Variants in SPECC1 observed in about 807,000 individuals in gnomAD.
SPECC1 encodes the protein cytospin-B.
Under a neutral mutation model 104.1 loss-of-function variants are expected in SPECC1, and 62 were observed. The ratio of observed to expected loss-of-function variants is 0.60; its 90% confidence interval spans 0.49 to 0.74. The LOEUF (loss-of-function observed/expected upper bound fraction) is 0.74, where lower values mean the gene tolerates loss of function less well. Ranked by LOEUF, SPECC1 falls within the 30% of genes least tolerant of loss-of-function variation. The probability of loss-of-function intolerance (pLI) is 0.00; values close to 1 mark genes in which losing one functional copy is unlikely to be tolerated. For synonymous variants in SPECC1, 513 were observed against 501.6 expected, an observed-to-expected ratio of 1.02 and a Z score of -0.30; for missense variants, 1,306 against 1,310.5, an observed-to-expected ratio of 1.00 and a Z score of 0.05.
chr17:20,294,875 C>T (rs1221050629), intron 12 of SPECC1, among the ~76,000 whole-genome samples: 1 of 152,134 alleles, frequency 6.6e-6, no homozygotes, highest in Non-Finnish European at 1.5e-5. Flanking sequence ...GCACTGAAGG[C>T]TTTTCCTCAA....
At chr17:20,142,015 CTTGA>C (rs975379964) in intron 3 of SPECC1, among the ~76,000 whole-genome samples, 9 of 152,130 alleles carry the variant, frequency 5.9e-5, no homozygotes, top group Admixed American at 3.3e-4. Context: ...ATATGGAAAA[CTTGA>C]ATAGTGTCAT....
At chr17:20,236,925 T>C (rs780900551) in intron 7 of SPECC1, 13 of 1,613,316 alleles carry the variant, frequency 8.1e-6, no homozygotes, top group Middle Eastern at 1.6e-4. Context: ...CTTGCCATGA[T>C]TGGGAGCCGC....
At chr17:20,194,502 ATTTTTTTTTTT>A (rs1209589252) in intron 3 of SPECC1, among the ~76,000 whole-genome samples, 1 of 86,566 alleles carries the variant, frequency 1.2e-5, no homozygotes, top group Non-Finnish European at 2.1e-5. Flanking sequence ...AAGAGAACGA[ATTTTTTTTTTT>A]TTTTTTTTTT....
intron 10 of SPECC1, among the ~76,000 whole-genome samples, chr17:20,256,831 G>A (rs189712889): frequency 2.0e-4 from 30 of 152,242 alleles, no homozygotes; most frequent in Admixed American, 1.7e-3. Flanking sequence ...TGGGCAACAC[G>A]GCAAGACCCT....
rs34220423 is a variant in SPECC1 at position 20,222,016 on chromosome 17, GT to G, written c.1864-5380del. Among the ~76,000 whole-genome samples the G allele has an allele frequency of 7.3e-3, 1,019 of 140,474 alleles. 9 individuals are homozygous for G. Among genetic ancestry groups the G allele is most frequent in the African/African-American group, 0.024 (909 of 38,182 alleles). 92.2% of individuals were successfully genotyped at this position (140,474 alleles called of 152,430 possible). ...AGAGAAGATACCTGATATGATTTCAGTTTTTTTTTTTTTTTTTAAGTTTTAG... is the reference window on the plus strand; with the variant it reads ...AGAGAAGATACCTGATATGATTTCAGTTTTTTTTTTTTTTTTAAGTTTTAG... On this transcript the variant is annotated intron_variant, in intron 4 of 14. Coordinates refer to ENST00000395527, the MANE Select transcript of SPECC1 (RefSeq NM_001243439.2).
chr17:20,298,948 A>AGAGTGT, intron 13 of SPECC1, among the ~76,000 whole-genome samples: 4 of 49,076 alleles, frequency 8.2e-5, no homozygotes, highest in African/African-American at 2.8e-4. Context: ...AGAGAGAGAG[A>AGAGTGT]GTGTGTGTGT....
chr17:20,213,566 C>T (rs1042909252), intron 4 of SPECC1, among the ~76,000 whole-genome samples: 1 of 152,144 alleles, frequency 6.6e-6, no homozygotes, highest in East Asian at 1.9e-4. Flanking sequence ...AGAGTTTTAC[C>T]TGATTGTAAT....
chr17:20,284,422 G>A (rs566515224), intron 12 of SPECC1, among the ~76,000 whole-genome samples: 1 of 152,378 alleles, frequency 6.6e-6, no homozygotes, highest in East Asian at 1.9e-4. Flanking sequence ...TGTGCTGTCC[G>A]TGTGCAGGAC....
In SPECC1 at chr17:20,227,563, G is replaced by T; in HGVS notation, c.2014G>T (p.Val672Leu). Residue 672 changes from valine to leucine, a missense_variant, in exon 5 of 15, where the codon GTG (valine) becomes TTG (leucine). Physicochemically the swap from Val to Leu is conservative, Grantham distance 32 (BLOSUM62 1). This residue lies in a region of SPECC1 where 1,177 missense variants were observed against 1,139.9 expected (regional missense o/e 1.03). Coordinates refer to ENST00000395527, the MANE Select transcript of SPECC1 (RefSeq NM_001243439.2). ...AACCATATTTGAATTGGAAGATCAG[G>T]TGGAACAGCACCGGGCTGTCAAGTT... The part of the protein sequence containing the change: ...KETIFELEDQ[V>L]EQHRAVKLHN... 1 of 1,612,670 alleles carries T rather than the reference G, an allele frequency of 6.2e-7. No homozygotes were observed. The highest frequency in any genetic ancestry group is 8.5e-7 in the Non-Finnish European group (1 of 1,179,696).
At chr17:20,042,005 A>G (rs900141224) in intron 1 of SPECC1, among the ~76,000 whole-genome samples, 3 of 152,008 alleles carry the variant, frequency 2.0e-5, no homozygotes, top group Non-Finnish European at 2.9e-5. Context: ...GTGTCTGTCA[A>G]TTGTCTTTTC....
chr17:20,178,129 T>C (rs2034603646), intron 3 of SPECC1, among the ~76,000 whole-genome samples: 1 of 151,908 alleles, frequency 6.6e-6, no homozygotes, highest in African/African-American at 2.4e-5. Context: ...CAAGCAATCC[T>C]CCCACCTCAG....
chr17:20,304,653 A>G (rs879546965), intron 13 of SPECC1, among the ~76,000 whole-genome samples: 5 of 152,190 alleles, frequency 3.3e-5, no homozygotes, highest in African/African-American at 9.6e-5. Context: ...GTGTCTCCCC[A>G]TATTCTTTCT....
intron 4 of SPECC1, among the ~76,000 whole-genome samples, chr17:20,217,302 G>A (rs2037561171): frequency 6.7e-6 from 1 of 149,738 alleles, no homozygotes; most frequent in Non-Finnish European, 1.5e-5. Context: ...CTTGTAAATA[G>A]CTTTCTGGAA....
At chr17:20,286,230 C>T (rs953379958) in intron 12 of SPECC1, among the ~76,000 whole-genome samples, 8 of 152,296 alleles carry the variant, frequency 5.3e-5, no homozygotes, top group African/African-American at 1.9e-4. Flanking sequence ...TTACCAGCTT[C>T]CACTCAAGGA....
intron 9 of SPECC1, among the ~76,000 whole-genome samples, chr17:20,252,307 T>G (rs1052170316): frequency 4.6e-5 from 7 of 152,152 alleles, no homozygotes; most frequent in African/African-American, 1.7e-4. Flanking sequence ...GGTGTACATG[T>G]ACAGATTTGT....
At chr17:20,014,591 G>T (rs879283266) in intron 1 of SPECC1, among the ~76,000 whole-genome samples, 2 of 152,098 alleles carry the variant, frequency 1.3e-5, no homozygotes, top group Non-Finnish European at 2.9e-5. Context: ...AGGATTCTAC[G>T]TTAAAACCTT....
chr17:20,213,889 A>T (rs2037318052), intron 4 of SPECC1, among the ~76,000 whole-genome samples: 1 of 151,646 alleles, frequency 6.6e-6, no homozygotes, highest in Non-Finnish European at 1.5e-5. Flanking sequence ...TTTTTTTTTT[A>T]AATAGCAGCT....
At chr17:20,280,526 C>A (rs2040729742) in intron 12 of SPECC1, among the ~76,000 whole-genome samples, 1 of 152,196 alleles carries the variant, frequency 6.6e-6, no homozygotes. Flanking sequence ...ATGCCACCAT[C>A]TGCATAAAAG....
At chr17:20,020,247 G>A (rs1024982502) in intron 1 of SPECC1, among the ~76,000 whole-genome samples, 6 of 152,218 alleles carry the variant, frequency 3.9e-5, no homozygotes, top group African/African-American at 1.4e-4. Flanking sequence ...CAATCTGAGT[G>A]TGGGCTTAGA....
Sources: allele counts gnomAD v4.1 joint callset (sites outside exome capture counted in the v4.1 genomes callset), GRCh38; gene constraint gnomAD v4.1.1; regional missense constraint gnomAD v4.1.1; transcripts MANE v1.5; gene names NCBI Gene and HGNC (gene_info 2026-07-23, HGNC 2026-07-21).